The following EXOSC9 variants were observed in gnomAD, a reference collection of about 807,000 sequenced individuals.
The protein encoded by EXOSC9 is exosome component 9, also known as exosome complex component RRP45.
EXOSC9 carries 38 observed loss-of-function variants against 56.5 expected under a neutral mutation model. That is an observed-to-expected ratio of 0.67 (90% CI 0.52 to 0.88). EXOSC9 has a LOEUF of 0.88. Ranked by LOEUF, EXOSC9 falls within the 40% of genes least tolerant of loss-of-function variation. EXOSC9 has a pLI of 0.00. For missense variants in EXOSC9, 559 were observed against 530.5 expected, an observed-to-expected ratio of 1.05 and a Z score of -0.53; for synonymous variants, 170 against 170.8, an observed-to-expected ratio of 0.99 and a Z score of 0.04.
At chr4:121,814,374 A>C (rs1226806736) in intron 10 of EXOSC9, 2 of 160,880 alleles carry the variant, frequency 1.2e-5, no homozygotes, top group African/African-American at 4.8e-5. Flanking sequence ...ATCTTTGTAG[A>C]GTAGTGGAAC....
chr4:121,802,018 C>G, intron 2 of EXOSC9, 97 bp downstream of exon 2: 1 of 873,078 alleles, frequency 1.1e-6, no homozygotes, highest in Non-Finnish European at 1.9e-6. Context: ...GAAGTCTGGA[C>G]AGTATTCTTT....
Position 121,816,953 on chromosome 4 carries a change from A to C in EXOSC9, c.*97A>C, listed in dbSNP as rs1046326969. The C allele has an allele frequency of 2.5e-6, 3 of 1,177,776 alleles. No individual in the cohort carries two copies. The highest frequency in any genetic ancestry group is 3.5e-5 in the Admixed American group (1 of 28,960). The allele number at this position is 1,177,776 out of a possible 1,614,324, so 73.0% of individuals were successfully genotyped here. A position where few individuals can be genotyped will look rare whatever the true frequency, so the allele number is the denominator to read the frequency against. On this transcript the variant is annotated 3_prime_UTR_variant, in exon 12 of 12. Coordinates refer to ENST00000243498, the MANE Select transcript of EXOSC9 (RefSeq NM_005033.3). ...TTTTTTATTCACAAATCCATTATAA[A>C]ATCTAGCAGGATTTTAAAAATAGTT... is the stretch of plus-strand genomic sequence containing the variant.
In EXOSC9 at chr4:121,801,447, A is replaced by C. The variant is rs779424918; in HGVS notation, c.23A>C (p.Asn8Thr). 37 of 1,614,032 alleles carry C rather than the reference A, an allele frequency of 2.3e-5. No individual in the cohort carries two copies. Among genetic ancestry groups the C allele is most frequent in the Non-Finnish European group, 3.1e-5 (37 of 1,180,010 alleles). The change falls in exon 1 of 12, where the codon AAC becomes ACC. Residue 8 changes from asparagine (N) to threonine (T), a missense_variant. By Grantham distance (65) the Asn-to-Thr change is moderately conservative (BLOSUM62 0). Transcript: ENST00000243498. ...ACCATGAAGGAAACGCCACTCTCAA[A>C]CTGCGAACGCCGCTTCCTACTCCGT... Reference protein sequence around the residue: MKETPLSNCERRFLLRAI... With the variant: MKETPLSTCERRFLLRAI...
At chr4:121,813,113 T>A in intron 8 of EXOSC9, 121 bp from the exon 9 acceptor site, 2 of 897,328 alleles carry the variant, frequency 2.2e-6, no homozygotes, top group Non-Finnish European at 3.3e-6. Context: ...ATAAACTAAC[T>A]CTCTTCCAAT....
intron 4 of EXOSC9, 139 bp downstream of exon 4, chr4:121,803,156 T>TA: frequency 4.8e-6 from 3 of 631,352 alleles, no homozygotes; most frequent in Admixed American, 2.9e-5. Context: ...TCTTGAGTGA[T>TA]ACCCTTAGAA....
chr4:121,812,011 T>C (rs1727226709), intron 8 of EXOSC9, among the ~76,000 whole-genome samples: 2 of 151,990 alleles, frequency 1.3e-5, no homozygotes, highest in Admixed American at 6.5e-5. Context: ...GCATTATTGA[T>C]GCAGTGACTT....
chr4:121,804,676 G>T lies in EXOSC9; in HGVS notation c.439G>T (p.Asp147Tyr), dbSNP rs200914538. The stretch of plus-strand genomic sequence containing the variant: ...ATTAAATCATGATGGAAATATTATT[G>T]ATGCTGCCAGCATTGCTGCAATCGT... ...HLLNHDGNII[D>Y]AASIAAIVAL... The change falls in exon 5 of 12, where the codon GAT becomes TAT. Residue 147 changes from aspartate to tyrosine, a missense_variant. Transcript: ENST00000243498. 12 of 1,607,744 alleles carry T rather than the reference G, an allele frequency of 7.5e-6. No individual in the cohort carries two copies. In the East Asian group the frequency reaches 2.7e-4, roughly 36 times the overall value.
chr4:121,816,650 T>G lies in EXOSC9; in HGVS notation c.1236-122T>G, dbSNP rs975900638. ...AAATCTATAATATAAACTTCTTGGATGCCAGTCTTACTCATAGCTGACACA... is the reference window on the plus strand; with the variant it reads ...AAATCTATAATATAAACTTCTTGGAGGCCAGTCTTACTCATAGCTGACACA... On this transcript the variant is annotated intron_variant, in intron 11 of 11. Coordinates refer to ENST00000243498, the MANE Select transcript of EXOSC9 (RefSeq NM_005033.3). 4.0e-6 allele frequency: 4 copies of G among 1,009,398 alleles called. No individual in the cohort carries two copies. In the Admixed American group the frequency reaches 1.4e-4, roughly 34 times the overall value. 62.5% of individuals were successfully genotyped at this position (1,009,398 alleles called of 1,614,324 possible). A position where few individuals can be genotyped will look rare whatever the true frequency, so the allele number is the denominator to read the frequency against.
At position 121,816,810 on chromosome 4, in the gene EXOSC9, G is replaced by A; in HGVS notation, c.1274G>A (p.Ser425Asn). The A allele has an allele frequency of 6.2e-7, 1 of 1,601,880 alleles. No homozygotes were observed. The highest frequency in any genetic ancestry group is 8.5e-7 in the Non-Finnish European group (1 of 1,173,536). The part of the protein sequence containing the change: ...TTSAKQEKAP[S>N]KKPVKRRKKK... ...AGTGCAAAACAAGAAAAAGCACCAA[G>A]TAAAAAGCCAGTGAAAAGAAGAAAA... The change falls in exon 12 of 12, where the codon AGT becomes AAT. Residue 425 changes from serine (S) to asparagine (N), a missense_variant. Coordinates refer to ENST00000243498, the MANE Select transcript of EXOSC9 (RefSeq NM_005033.3).
intron 8 of EXOSC9, 39 bp downstream of exon 8, chr4:121,811,710 C>A: frequency 2.9e-6 from 3 of 1,025,712 alleles, no homozygotes; most frequent in Non-Finnish European, 4.2e-6. Flanking sequence ...CTTTTATTTT[C>A]ATTTTTTAAA....
intron 6 of EXOSC9, among the ~76,000 whole-genome samples, chr4:121,809,368 T>G (rs1043804847): frequency 1.3e-5 from 2 of 152,268 alleles, no homozygotes; most frequent in South Asian, 4.1e-4. Context: ...TAATATATTT[T>G]CACGTTAATG....
Position 121,810,108 on chromosome 4 carries a change from TTTGA to T in EXOSC9, c.738+12_738+15del. The T allele has an allele frequency of 6.2e-7, 1 of 1,610,380 alleles. No individual in the cohort carries two copies. The highest frequency in any genetic ancestry group is 1.7e-5 in the Admixed American group (1 of 59,622). On this transcript the variant is annotated intron_variant, in intron 7 of 11. Transcript: ENST00000243498. ...TGCTACTAAAAGATCAAGTTAGTGC[TTTGA>T]TTAATGTCCCATTAATAATAGGTTG...
intron 4 of EXOSC9, 111 bp from the exon 5 acceptor site, chr4:121,804,511 G>A (rs545517056): frequency 9.2e-6 from 6 of 654,486 alleles, no homozygotes; most frequent in Non-Finnish European, 1.5e-5. Flanking sequence ...AGGAGTAACT[G>A]CGTGTTTTAA....
Position 121,814,016 on chromosome 4 carries a change from T to A in EXOSC9, c.1125T>A (p.Thr375=). 6.2e-7 allele frequency: 1 copy of A among 1,613,566 alleles called. No homozygotes were observed. The highest frequency in any genetic ancestry group is 8.5e-7 in the Non-Finnish European group (1 of 1,179,662). ...AIILDGIKMD[T]GVEVSDIGSQ... is the part of the protein sequence containing the mutation. ...TTCTTGATGGTATAAAAATGGACAC[T>A]GGAGTAGAAGTCTCTGATATTGGAA... The change falls in exon 10 of 12, where the codon ACT becomes ACA. Residue 375 remains threonine (T), a synonymous_variant. Coordinates refer to ENST00000243498, the MANE Select transcript of EXOSC9 (RefSeq NM_005033.3).
At chr4:121,804,547 A>C (rs1164146095) in intron 4 of EXOSC9, 75 bp from the exon 5 acceptor site, 3 of 925,276 alleles carry the variant, frequency 3.2e-6, no homozygotes, top group Non-Finnish European at 4.9e-6. Context: ...ATTTGTACAC[A>C]ATGTTACTTT....
At chr4:121,805,828 CA>C (rs1185634816) in intron 5 of EXOSC9, among the ~76,000 whole-genome samples, 43 of 139,328 alleles carry the variant, frequency 3.1e-4, no homozygotes, top group African/African-American at 1.1e-3. Flanking sequence ...TTTTTTGAGA[CA>C]GGATCTCACT....
At chr4:121,804,318 G>A (rs1175770165) in intron 4 of EXOSC9, among the ~76,000 whole-genome samples, 1 of 152,038 alleles carries the variant, frequency 6.6e-6, no homozygotes, top group Non-Finnish European at 1.5e-5. Context: ...CTGGCCTAGA[G>A]TTTGTGGTTT....
intron 7 of EXOSC9, among the ~76,000 whole-genome samples, chr4:121,810,878 T>A (rs1250641382): frequency 6.6e-6 from 1 of 151,968 alleles, no homozygotes; most frequent in Non-Finnish European, 1.5e-5. Context: ...CAAATAAAAA[T>A]TTTTAAACAT....
chr4:121,804,525 C>T (rs953037422), intron 4 of EXOSC9, 97 bp from the exon 5 acceptor site: 2 of 795,156 alleles, frequency 2.5e-6, no homozygotes, highest in Non-Finnish European at 3.9e-6. Context: ...GTTTTAACAG[C>T]AAGAAAAAAT....
Sources: allele counts gnomAD v4.1 joint callset (sites outside exome capture counted in the v4.1 genomes callset), GRCh38; gene constraint gnomAD v4.1.1; transcripts MANE v1.5; gene names NCBI Gene and HGNC (gene_info 2026-07-23, HGNC 2026-07-21).